The following PEX2 variants were observed in gnomAD, a reference collection of about 807,000 sequenced individuals.
PEX2 encodes the protein peroxisomal biogenesis factor 2, also known as peroxisome biogenesis factor 2.
In PEX2, 19 loss-of-function variants were observed where a neutral mutation model predicts 25.2. That is an observed-to-expected ratio of 0.75 (90% CI 0.53 to 1.10). PEX2 has a LOEUF of 1.10. Ranked by LOEUF, PEX2 falls within the 50% of genes least tolerant of loss-of-function variation. The pLI is 0.00. For synonymous variants in PEX2, 141 were observed against 127.7 expected, an observed-to-expected ratio of 1.10 and a Z score of -0.70; for missense variants, 347 against 350.6, an observed-to-expected ratio of 0.99 and a Z score of 0.08.
At chr8:76,984,892 T>G (rs1359187954) in intron 3 of PEX2, among the ~76,000 whole-genome samples, 5 of 151,938 alleles carry the variant, frequency 3.3e-5, no homozygotes, top group Non-Finnish European at 7.4e-5. Flanking sequence ...AATGTATATA[T>G]CACACAGTAC....
At chr8:76,990,148 C>G (rs544071660) in intron 1 of PEX2, among the ~76,000 whole-genome samples, 1 of 152,154 alleles carries the variant, frequency 6.6e-6, no homozygotes, top group East Asian at 1.9e-4. Context: ...TTAAATCTCA[C>G]GAACCAACCT....
chr8:76,994,896 A>G lies in PEX2; in HGVS notation c.-160+5094T>C, dbSNP rs1586077746. On this transcript the variant is annotated intron_variant, in intron 1 of 3. Transcript: ENST00000357039. ...TATGACTAGACATCTTAAGTTTTGA[A>G]CCTATAACCTACTATTTTATTTCCT... Among the ~76,000 whole-genome samples, 4 of 152,288 alleles carry G rather than the reference A, an allele frequency of 2.6e-5. No individual in the cohort carries two copies. In the South Asian group the frequency reaches 8.3e-4, roughly 32 times the overall value.
rs1198254778 is a variant in PEX2 at position 76,999,992 on chromosome 8, T to C, written c.-162A>G. The C allele has an allele frequency of 1.1e-5, 5 of 456,016 alleles. No individual in the cohort carries two copies. Among genetic ancestry groups the C allele is most frequent in the Non-Finnish European group, 1.8e-5 (4 of 226,822 alleles). 28.2% of individuals were successfully genotyped at this position (456,016 alleles called of 1,614,324 possible). On this transcript the variant is annotated splice_region_variant and 5_prime_UTR_variant, in exon 1 of 4. Transcript: ENST00000357039. ...GGCTCTCTAGGGCAGACACTGACCT[T>C]AGGAGTCTGCGAAACGCCCACGCTC...
In PEX2 at chr8:76,980,571, T is replaced by C. The variant is rs1273641006; in HGVS notation, c.*2690A>G. 6.6e-6 allele frequency: 1 copy of C among 152,206 alleles called. No individual in the cohort carries two copies. Among genetic ancestry groups the C allele is most frequent in the Non-Finnish European group, 1.5e-5 (1 of 68,060 alleles). The allele number at this position is 152,206 out of a possible 1,614,324, so 9.4% of individuals were successfully genotyped here. A position where few individuals can be genotyped will look rare whatever the true frequency, so the allele number is the denominator to read the frequency against. ...AACAGTATTTTCCATCCCCTAGCTA[T>C]AGTGGCTGGTTCAGGAATGTGCACA... On this transcript the variant is annotated 3_prime_UTR_variant, in exon 4 of 4. Transcript: ENST00000357039.
At chr8:77,000,974 T>A (rs943783806), upstream of PEX2, 12 of 152,112 alleles carry the variant, frequency 7.9e-5, no homozygotes, top group Non-Finnish European at 1.5e-4. Flanking sequence ...AGTGCTTAAG[T>A]TTGAATGATG....
At chr8:76,993,348 AGG>A (rs1047017912) in intron 1 of PEX2, among the ~76,000 whole-genome samples, 1 of 152,208 alleles carries the variant, frequency 6.6e-6, no homozygotes, top group Non-Finnish European at 1.5e-5. Flanking sequence ...GCAACAATTC[AGG>A]GGCCTACCTA....
In PEX2 at chr8:76,983,942, T is replaced by C. The variant is rs138220337; in HGVS notation, c.237A>G (p.Ser79=). The C allele has an allele frequency of 8.3e-5, 134 of 1,614,212 alleles. No homozygotes were observed. The African/African-American group carries it at 1.7e-3, about 20-fold the overall frequency. Residue 79 remains serine, a synonymous_variant, in exon 4 of 4, where the codon TCA becomes TCG. Coordinates refer to ENST00000357039, the MANE Select transcript of PEX2 (RefSeq NM_000318.3). ...IYSKNATVGQ[S]VLNIKYKNDF... is the part of the protein sequence containing the mutation. ...CATTTTTGTACTTAATATTCAAAACTGACTGTCCCACTGTGGCATTTTTGG... is the reference window on the plus strand; with the variant it reads ...CATTTTTGTACTTAATATTCAAAACCGACTGTCCCACTGTGGCATTTTTGG...
intron 1 of PEX2, chr8:76,999,769 T>C (rs1214924556): frequency 2.2e-6 from 1 of 451,022 alleles, no homozygotes; most frequent in Non-Finnish European, 4.5e-6. Context: ...TGTTTATTTT[T>C]AATGCCGCGA....
chr8:76,990,018 T>C (rs1280883745), intron 1 of PEX2, among the ~76,000 whole-genome samples: 1 of 152,220 alleles, frequency 6.6e-6, no homozygotes, highest in African/African-American at 2.4e-5. Context: ...TGAAAATATA[T>C]TGTCTAGCGT....
At chr8:76,994,213 G>A (rs1168725969) in intron 1 of PEX2, among the ~76,000 whole-genome samples, 6 of 151,984 alleles carry the variant, frequency 3.9e-5, no homozygotes, top group Admixed American at 6.6e-5. Flanking sequence ...TTCCTTTTAT[G>A]TTTTTCATAT....
At chr8:77,000,157 A>G, upstream of PEX2, 3 of 330,346 alleles carry the variant, frequency 9.1e-6, no homozygotes, top group South Asian at 6.9e-5. Context: ...AAAAAGTTAC[A>G]CCAACGAGAA....
rs1032525299 is a variant in PEX2, at chr8:76,999,972, T to C, written c.-160+18A>G. On this transcript the variant is annotated intron_variant, in intron 1 of 3. Coordinates refer to ENST00000357039, the MANE Select transcript of PEX2 (RefSeq NM_000318.3). ...AGACCTCGGGTTTGCACTCCGGCTC[T>C]CTAGGGCAGACACTGACCTTAGGAG... is the stretch of plus-strand genomic sequence containing the variant. 2.2e-6 allele frequency: 1 copy of C among 456,622 alleles called. No homozygotes were observed. The highest frequency in any genetic ancestry group is 2.0e-5 in the African/African-American group (1 of 50,156). 28.3% of individuals were successfully genotyped at this position (456,622 alleles called of 1,614,324 possible).
chr8:77,000,417 C>G (rs1478451317), upstream of PEX2: 1 of 151,290 alleles, frequency 6.6e-6, no homozygotes, highest in East Asian at 2.0e-4. Context: ...GAGGGCAGGG[C>G]TTTCTCTGCT....
chr8:77,000,220 G>A, upstream of PEX2: 1 of 275,998 alleles, frequency 3.6e-6, no homozygotes, highest in Non-Finnish European at 7.2e-6. Flanking sequence ...AACCGCGAAC[G>A]CCGACAAGCC....
chr8:76,981,868 C>G lies in PEX2; in HGVS notation c.*1393G>C, dbSNP rs1405110223. ...AATACTCTTAACTCAAACTACAAAA[C>G]TTCTTCAGTATCTTACACTAAATTG... On this transcript the variant is annotated 3_prime_UTR_variant, in exon 4 of 4. Coordinates refer to ENST00000357039, the MANE Select transcript of PEX2 (RefSeq NM_000318.3). The G allele has an allele frequency of 6.6e-6, 1 of 152,176 alleles. No individual in the cohort carries two copies. The highest frequency in any genetic ancestry group is 2.4e-5 in the African/African-American group (1 of 41,444). The allele number at this position is 152,176 out of a possible 1,614,324, so 9.4% of individuals were successfully genotyped here.
At chr8:76,989,281 C>T (rs1210744706) in intron 1 of PEX2, among the ~76,000 whole-genome samples, 1 of 152,084 alleles carries the variant, frequency 6.6e-6, no homozygotes, top group African/African-American at 2.4e-5. Flanking sequence ...AATTATAGCT[C>T]TCTTACTATT....
At chr8:76,988,179 A>T (rs186325249) in intron 2 of PEX2, 128 bp downstream of exon 2, 1 of 152,198 alleles carries the variant, frequency 6.6e-6, no homozygotes, top group African/African-American at 2.4e-5. Flanking sequence ...AAAGATACAT[A>T]TATCTCTGGG....
At chr8:76,999,714 A>C in intron 1 of PEX2, 1 of 387,586 alleles carries the variant, frequency 2.6e-6, no homozygotes, top group Non-Finnish European at 5.1e-6. Flanking sequence ...TCGTCTCTTA[A>C]GTTACTACGT....
intron 1 of PEX2, among the ~76,000 whole-genome samples, chr8:76,988,793 T>C (rs1331490619): frequency 6.6e-6 from 1 of 152,172 alleles, no homozygotes; most frequent in Admixed American, 6.5e-5. Flanking sequence ...CTTTATCAAT[T>C]AAGTTTATGG....
Sources: allele counts gnomAD v4.1 joint callset (sites outside exome capture counted in the v4.1 genomes callset), GRCh38; gene constraint gnomAD v4.1.1; transcripts MANE v1.5; gene names NCBI Gene and HGNC (gene_info 2026-07-23, HGNC 2026-07-21).